Variants in KIF26B observed in about 807,000 individuals in gnomAD.
KIF26B encodes kinesin family member 26B.
In KIF26B, 63 loss-of-function variants were observed where a neutral mutation model predicts 151.2. That is an observed-to-expected ratio of 0.42 (90% confidence interval 0.34 to 0.51). KIF26B has a LOEUF of 0.51. Ranked by LOEUF, KIF26B falls within the 20% of genes least tolerant of loss-of-function variation. KIF26B has a pLI of 0.07. For missense variants in KIF26B, 2,813 were observed against 2,913.6 expected, an observed-to-expected ratio of 0.97 and a Z score of 0.79; for synonymous variants, 1,357 against 1,262.1, an observed-to-expected ratio of 1.08 and a Z score of -1.59.
chr1:245,507,134 G>T (rs1660742002), intron 4 of KIF26B, among the ~76,000 whole-genome samples: 1 of 152,218 alleles, frequency 6.6e-6, no homozygotes, highest in African/African-American at 2.4e-5. Flanking sequence ...ACATTTTGGT[G>T]AGGGAGGAAG....
intron 2 of KIF26B, 32 bp downstream of exon 2, chr1:245,156,715 G>A (rs1018692501): frequency 2.4e-5 from 33 of 1,363,612 alleles, no homozygotes; most frequent in Non-Finnish European, 3.1e-5. Flanking sequence ...CTGGGGAGGC[G>A]CCGGGAGGGC....
At chr1:245,197,300 C>A (rs1669212865) in intron 2 of KIF26B, among the ~76,000 whole-genome samples, 1 of 152,134 alleles carries the variant, frequency 6.6e-6, no homozygotes. Context: ...TGGTGTGTGG[C>A]ATAGCTTAAA....
At chr1:245,502,039 T>C (rs1213144316) in intron 4 of KIF26B, among the ~76,000 whole-genome samples, 2 of 152,182 alleles carry the variant, frequency 1.3e-5, no homozygotes, top group East Asian at 3.8e-4. Flanking sequence ...ACCTGTAGTA[T>C]AGGTGGACAG....
chr1:245,415,299 ATAGCCAGATCTCATG>A (rs1432869056), intron 3 of KIF26B, among the ~76,000 whole-genome samples: 1 of 152,140 alleles, frequency 6.6e-6, no homozygotes, highest in Non-Finnish European at 1.5e-5. Flanking sequence ...TGCTTCTTTC[ATAGCCAGATCTCATG>A]TAGTAGGTCA....
intron 2 of KIF26B, among the ~76,000 whole-genome samples, chr1:245,361,223 C>T (rs964753087): frequency 5.3e-5 from 8 of 152,210 alleles, no homozygotes; most frequent in African/African-American, 1.7e-4. Context: ...CCAGCTGCCT[C>T]GCTTGCAGAA....
chr1:245,700,719 A>T (rs1220932391), intron 14 of KIF26B, among the ~76,000 whole-genome samples: 2 of 152,148 alleles, frequency 1.3e-5, no homozygotes. Flanking sequence ...TTCTGTTAGA[A>T]ATTTGAGCAA....
chr1:245,354,763 G>A (rs1239769988), intron 2 of KIF26B, among the ~76,000 whole-genome samples: 1 of 152,156 alleles, frequency 6.6e-6, no homozygotes, highest in Non-Finnish European at 1.5e-5. Context: ...AGGAGAGCCG[G>A]CATTAGCTTC....
Position 245,358,386 on chromosome 1 carries a change from G to A in KIF26B, c.466-8448G>A, listed in dbSNP as rs1049161882. The stretch of plus-strand genomic sequence containing the variant: ...ATACAAAATATTAGCCAGGCGTGGT[G>A]ATGGGTGCCTGTAGTCCCAGCTACT... On this transcript the variant is annotated intron_variant, in intron 2 of 14. Coordinates refer to ENST00000407071, the MANE Select transcript of KIF26B (RefSeq NM_018012.4). This position sits in a 1 kb window ranked among gnomAD's most constrained non-coding sequence, Gnocchi z 4.1. Among the ~76,000 whole-genome samples the A allele has an allele frequency of 6.6e-6, 1 of 152,194 alleles. No homozygotes were observed. The highest frequency in any genetic ancestry group is 2.4e-5 in the African/African-American group (1 of 41,456).
intron 2 of KIF26B, among the ~76,000 whole-genome samples, chr1:245,196,900 T>C (rs943370012): frequency 6.6e-6 from 1 of 152,230 alleles, no homozygotes; most frequent in Admixed American, 6.5e-5. Context: ...TTATTTTCTA[T>C]CTTATTTTTC....
At chr1:245,243,461 C>T (rs1397003333) in intron 2 of KIF26B, among the ~76,000 whole-genome samples, 12 of 141,290 alleles carry the variant, frequency 8.5e-5, no homozygotes, top group African/African-American at 1.0e-4. Context: ...CACACACACA[C>T]ACACACACAC....
intron 4 of KIF26B, among the ~76,000 whole-genome samples, chr1:245,448,207 TTTG>T (rs1038694851): frequency 1.3e-5 from 2 of 152,240 alleles, no homozygotes; most frequent in Admixed American, 6.5e-5. Context: ...GTATGTTTTT[TTTG>T]TTGTTGTTTT....
rs536080257 is a variant in KIF26B at position 245,443,749 on chromosome 1, A to G, written c.1166+24004A>G. ...CGGTCATCTCCCTCACTGTTCATCTAGAGGAGAGGTCATCTCCCTCACTGT... is the reference window on the plus strand; with the variant it reads ...CGGTCATCTCCCTCACTGTTCATCTGGAGGAGAGGTCATCTCCCTCACTGT... On this transcript the variant is annotated intron_variant, in intron 4 of 14. Transcript: ENST00000407071. Among the ~76,000 whole-genome samples the G allele has an allele frequency of 8.2e-5, 8 of 97,602 alleles. No homozygotes were observed. In the East Asian group the frequency reaches 1.6e-3, roughly 19 times the overall value. 64.0% of individuals were successfully genotyped at this position (97,602 alleles called of 152,430 possible).
intron 2 of KIF26B, among the ~76,000 whole-genome samples, chr1:245,161,714 G>C (rs949032108): frequency 1.3e-5 from 2 of 152,160 alleles, no homozygotes; most frequent in Non-Finnish European, 2.9e-5. Flanking sequence ...CCAAGTGCTT[G>C]ATGTGGTTAA....
chr1:245,444,219 C>T (rs1659196741), intron 4 of KIF26B, among the ~76,000 whole-genome samples: 1 of 152,170 alleles, frequency 6.6e-6, no homozygotes, highest in African/African-American at 2.4e-5. Context: ...GAGGTCATCT[C>T]CCTCACTGTT....
intron 5 of KIF26B, among the ~76,000 whole-genome samples, chr1:245,581,926 G>GAGGAAGGAAGGAAGGA (rs141698408): frequency 0.054 from 7,701 of 142,240 alleles, 292 homozygotes; most frequent in East Asian, 0.061. Flanking sequence ...AAGAGAGAAA[G>GAGGAAGGAAGGAAGGA]AGGAAGGAAG....
At chr1:245,418,158 C>T (rs1291792421) in intron 3 of KIF26B, among the ~76,000 whole-genome samples, 3 of 152,140 alleles carry the variant, frequency 2.0e-5, no homozygotes, top group African/African-American at 4.8e-5. Flanking sequence ...TGCCCTGTTC[C>T]GCGGGGACAA....
intron 5 of KIF26B, among the ~76,000 whole-genome samples, chr1:245,599,075 G>A (rs1300090781): frequency 6.6e-6 from 1 of 152,146 alleles, no homozygotes; most frequent in Non-Finnish European, 1.5e-5. Flanking sequence ...GGGGCTGGAG[G>A]AGATGTTGCC....
At chr1:245,372,192 C>T (rs1673144799) in intron 3 of KIF26B, among the ~76,000 whole-genome samples, 1 of 152,142 alleles carries the variant, frequency 6.6e-6, no homozygotes, top group African/African-American at 2.4e-5. Flanking sequence ...AGAAACCCTA[C>T]TGTGAACTGT....
At chr1:245,625,470 G>T (rs2043714247) in intron 9 of KIF26B, among the ~76,000 whole-genome samples, 1 of 151,968 alleles carries the variant, frequency 6.6e-6, no homozygotes, top group Non-Finnish European at 1.5e-5. Flanking sequence ...TTTTAAAGTA[G>T]GAAAAAGCTA....
Sources: gnomAD v4.1 joint callset for allele counts (sites outside exome capture counted in the v4.1 genomes callset) on GRCh38, gnomAD v4.1.1 for gene constraint, Gnocchi (gnomAD v3.1) non-coding constraint, MANE v1.5 for transcripts, NCBI Gene and HGNC (gene_info 2026-07-23, HGNC 2026-07-21) for gene names.